GUCY2F: variants seen among roughly 807,000 people sequenced by gnomAD.
The protein encoded by GUCY2F is guanylate cyclase 2F, retinal.
A neutral mutation model predicts 73.1 loss-of-function variants in GUCY2F; 61 were observed. The ratio of observed to expected loss-of-function variants is 0.83; its 90% CI spans 0.68 to 1.03. The LOEUF is 1.03. Among genes scored for constraint, GUCY2F ranks in the 50% least tolerant of loss-of-function variants. The probability of loss-of-function intolerance (pLI) is 0.00; values close to 1 mark genes in which losing one functional copy is unlikely to be tolerated. For missense variants in GUCY2F, 912 were observed against 854.3 expected (o/e 1.07, Z -0.84); for synonymous variants, 331 against 307.8 (o/e 1.08, Z -0.79).
chrX:109,427,882 G>T lies in GUCY2F; in HGVS notation c.1791+2425C>A, dbSNP rs775791439. 2.4e-4 allele frequency among the ~76,000 whole-genome samples: 27 copies of T among 111,955 alleles called. 1 individual carries two copies. Among genetic ancestry groups the T allele is most frequent in the African/African-American group, 8.8e-4 (27 of 30,825 alleles). ...TTACAAATATGGAAAAGTTAAAAAA[G>T]AAACGGAATTAACACTGTGGCACTG... On this transcript the variant is annotated intron_variant, in intron 8 of 19. Transcript: ENST00000218006.
chrX:109,402,987 C>A (rs975283716), intron 10 of GUCY2F, among the ~76,000 whole-genome samples: 2 of 111,638 alleles, frequency 1.8e-5, no homozygotes, highest in African/African-American at 6.5e-5. Flanking sequence ...AAAACTTACG[C>A]CAAAGGTAAT....
intron 12 of GUCY2F, among the ~76,000 whole-genome samples, chrX:109,393,566 C>T (rs1351257673): frequency 1.8e-5 from 2 of 111,388 alleles, no homozygotes; most frequent in Admixed American, 9.5e-5. Context: ...TCAAGATCCA[C>T]GTGATAAAAT....
At chrX:109,471,212 T>G (rs1332764725) in intron 2 of GUCY2F, among the ~76,000 whole-genome samples, 1 of 111,690 alleles carries the variant, frequency 9.0e-6, no homozygotes, top group African/African-American at 3.3e-5. Context: ...CATTCCCAAT[T>G]TGGAAGGATT....
chrX:109,444,847 G>T (rs1007246624), intron 6 of GUCY2F, among the ~76,000 whole-genome samples: 1 of 111,543 alleles, frequency 9.0e-6, no homozygotes, highest in Non-Finnish European at 1.9e-5. Flanking sequence ...CAGAAATCCA[G>T]ATTTTTATAT....
chrX:109,479,528 C>T (rs2147287384), intron 1 of GUCY2F, among the ~76,000 whole-genome samples: 1 of 111,831 alleles, frequency 8.9e-6, no homozygotes, highest in Non-Finnish European at 1.9e-5. Context: ...TATTCTCTGA[C>T]CTCCATCCAT....
chrX:109,433,397 G>A (rs1422550814), intron 7 of GUCY2F, among the ~76,000 whole-genome samples: 1 of 112,315 alleles, frequency 8.9e-6, no homozygotes, highest in African/African-American at 3.2e-5. Flanking sequence ...CCCAAGGTCA[G>A]AAAACTAGGT....
At chrX:109,463,115 A>T (rs1932395756) in intron 3 of GUCY2F, among the ~76,000 whole-genome samples, 1 of 112,132 alleles carries the variant, frequency 8.9e-6, no homozygotes, top group African/African-American at 3.2e-5. Flanking sequence ...AGAAAGAGAT[A>T]CATAAACCTA....
At chrX:109,448,233 C>A in intron 5 of GUCY2F, 68 bp from the exon 6 acceptor site, 1 of 560,107 alleles carries the variant, frequency 1.8e-6, no homozygotes, top group Admixed American at 2.5e-5. Context: ...GGTTAATTTG[C>A]CCTAAGATAG....
At chrX:109,424,175 C>T (rs1931431302) in intron 8 of GUCY2F, among the ~76,000 whole-genome samples, 1 of 111,844 alleles carries the variant, frequency 8.9e-6, no homozygotes, top group Admixed American at 9.5e-5. Flanking sequence ...CTTACCAAAA[C>T]TGGCACAAGA....
At chrX:109,435,578 G>C (rs1211824167) in intron 7 of GUCY2F, among the ~76,000 whole-genome samples, 4 of 110,135 alleles carry the variant, frequency 3.6e-5, no homozygotes, top group African/African-American at 1.3e-4. Flanking sequence ...TGCAAACAGG[G>C]ACAATTTGAC....
intron 14 of GUCY2F, among the ~76,000 whole-genome samples, chrX:109,390,069 C>T (rs1400108341): frequency 9.0e-6 from 1 of 111,628 alleles, no homozygotes; most frequent in African/African-American, 3.3e-5. Flanking sequence ...AAGTCAGTGG[C>T]TGGCCATTAT....
intron 12 of GUCY2F, among the ~76,000 whole-genome samples, 188 bp downstream of exon 12, chrX:109,395,153 G>A (rs1930672697): frequency 8.9e-6 from 1 of 111,807 alleles, no homozygotes; most frequent in Admixed American, 9.4e-5. Flanking sequence ...GGCTCTTGAA[G>A]GATGTGCTGA....
At chrX:109,427,631 C>G (rs1319834183) in intron 8 of GUCY2F, among the ~76,000 whole-genome samples, 1 of 112,062 alleles carries the variant, frequency 8.9e-6, no homozygotes, top group Non-Finnish European at 1.9e-5. Flanking sequence ...CAAGGCAGTG[C>G]TGGACTCACA....
chrX:109,418,885 T>G (rs1386975017), intron 8 of GUCY2F, among the ~76,000 whole-genome samples: 2 of 109,911 alleles, frequency 1.8e-5, no homozygotes, highest in Non-Finnish European at 3.8e-5. Flanking sequence ...AAAGAAAAAA[T>G]TATTAATATC....
Position 109,448,165 on chromosome X carries a change from C to G in GUCY2F, c.1473G>C (p.Arg491Ser), listed in dbSNP as rs1480115758. The stretch of plus-strand genomic sequence containing the variant: ...TCAACTGGATTTTATTTATACGACG[C>G]CTAAAACAAACATGAAATCAGAGGG... ...LSINGFAYFI[R>S]RRINKIQLIK... is the part of the protein sequence containing the mutation. Residue 491 changes from arginine (R) to serine (S), a missense_variant and splice_region_variant, in exon 6 of 20, where the codon AGG becomes AGC. Coordinates refer to ENST00000218006, the MANE Select transcript of GUCY2F (RefSeq NM_001522.3). 9.9e-7 allele frequency: 1 copy of G among 1,005,540 alleles called. No homozygotes were observed. Among genetic ancestry groups the G allele is most frequent in the African/African-American group, 1.9e-5 (1 of 53,684 alleles). 82.9% of individuals were successfully genotyped at this position (1,005,540 alleles called of 1,213,427 possible).
chrX:109,388,365 T>A (rs1160366543), intron 15 of GUCY2F, 124 bp downstream of exon 15: 1 of 554,584 alleles, frequency 1.8e-6, no homozygotes, highest in Non-Finnish European at 3.0e-6. Context: ...AAAGGAATTA[T>A]GCAGCCCGGA....
At chrX:109,377,872 A>G (rs1166644665) in intron 17 of GUCY2F, among the ~76,000 whole-genome samples, 1 of 111,152 alleles carries the variant, frequency 9.0e-6, no homozygotes, top group South Asian at 3.9e-4. Flanking sequence ...AGTGTTATGG[A>G]CTCAGGCAAG....
chrX:109,404,306 A>C (rs2147259093), intron 10 of GUCY2F, 22 bp downstream of exon 10: 2 of 1,124,606 alleles, frequency 1.8e-6, no homozygotes, highest in East Asian at 6.1e-5. Context: ...TGTGCATCAG[A>C]AGGGTACAAT....
chrX:109,413,759 C>T (rs1254590519), intron 8 of GUCY2F, among the ~76,000 whole-genome samples: 1 of 110,740 alleles, frequency 9.0e-6, no homozygotes, highest in African/African-American at 3.3e-5. Context: ...ACTCCTTCAC[C>T]CACTTGAAAA....
Sources: allele counts gnomAD v4.1 joint callset (sites outside exome capture counted in the v4.1 genomes callset), GRCh38; gene constraint gnomAD v4.1.1; transcripts MANE v1.5; gene names NCBI Gene and HGNC (gene_info 2026-07-23, HGNC 2026-07-21).